ZFPM2: variants seen among roughly 807,000 people sequenced by gnomAD.
The protein encoded by ZFPM2 is zinc finger protein, FOG family member 2.
In ZFPM2, 20 loss-of-function variants were observed where a neutral mutation model predicts 98.6. The ratio of observed to expected loss-of-function variants is 0.20; its 90% confidence interval spans 0.14 to 0.29. ZFPM2 has a LOEUF of 0.29. Among genes scored for constraint, ZFPM2 ranks in the 10% least tolerant of loss-of-function variants. ZFPM2 has a pLI of 1.00. For synonymous variants in ZFPM2, 518 were observed against 502.7 expected, an observed-to-expected ratio of 1.03 and a Z score of -0.41; for missense variants, 1,310 against 1,388.6, an observed-to-expected ratio of 0.94 and a Z score of 0.90.
chr8:105,457,713 C>T (rs1274626433), intron 3 of ZFPM2, among the ~76,000 whole-genome samples: 1 of 152,122 alleles, frequency 6.6e-6, no homozygotes, highest in Non-Finnish European at 1.5e-5. Context: ...TTGTTTTTTG[C>T]AAGTCTAATT....
intron 1 of ZFPM2, among the ~76,000 whole-genome samples, chr8:105,391,898 C>T (rs1811116329): frequency 6.6e-6 from 1 of 152,188 alleles, no homozygotes; most frequent in Non-Finnish European, 1.5e-5. Context: ...GACTTCCTCC[C>T]ATGAATCATG....
intron 5 of ZFPM2, among the ~76,000 whole-genome samples, chr8:105,753,067 G>A (rs758311014): frequency 1.3e-4 from 20 of 152,094 alleles, no homozygotes; most frequent in Non-Finnish European, 2.8e-4. Context: ...ATCAACGTGA[G>A]AGGCCAGGGT....
chr8:105,761,369 A>G (rs1812732063), intron 5 of ZFPM2, among the ~76,000 whole-genome samples: 1 of 152,044 alleles, frequency 6.6e-6, no homozygotes, highest in African/African-American at 2.4e-5. Context: ...AAATGAATTA[A>G]TGATGAAAAT....
intron 5 of ZFPM2, among the ~76,000 whole-genome samples, chr8:105,681,193 T>C (rs1810591720): frequency 6.6e-6 from 1 of 152,170 alleles, no homozygotes; most frequent in Non-Finnish European, 1.5e-5. Context: ...TTTTATATTA[T>C]ATGACTCCTT....
intron 5 of ZFPM2, among the ~76,000 whole-genome samples, chr8:105,760,566 AT>A (rs1586244757): frequency 6.6e-6 from 1 of 152,218 alleles, no homozygotes; most frequent in African/African-American, 2.4e-5. Flanking sequence ...AGGAAATGAT[AT>A]GAGGGAGATT....
At chr8:105,437,183 A>C (rs893978043) in intron 2 of ZFPM2, among the ~76,000 whole-genome samples, 15 of 152,156 alleles carry the variant, frequency 9.9e-5, no homozygotes, top group African/African-American at 3.4e-4. Flanking sequence ...AGTTGCTCAA[A>C]ATAGGTGCAA....
At chr8:105,617,741 A>G (rs1816450003) in intron 4 of ZFPM2, among the ~76,000 whole-genome samples, 1 of 152,164 alleles carries the variant, frequency 6.6e-6, no homozygotes. Flanking sequence ...AATTGAGTGA[A>G]TTTTAACCGA....
chr8:105,620,648 G>A (rs528861340), intron 4 of ZFPM2, among the ~76,000 whole-genome samples: 10 of 152,204 alleles, frequency 6.6e-5, no homozygotes, highest in African/African-American at 1.9e-4. Flanking sequence ...TTTCTTCTAG[G>A]TTTTTTATGG....
chr8:105,743,064 A>T (rs759379566), intron 5 of ZFPM2, among the ~76,000 whole-genome samples: 4 of 152,142 alleles, frequency 2.6e-5, no homozygotes, highest in Non-Finnish European at 5.9e-5. Flanking sequence ...ATATTCAAAC[A>T]GATTTTTAGA....
intron 5 of ZFPM2, among the ~76,000 whole-genome samples, chr8:105,781,039 T>G (rs1813234440): frequency 6.6e-6 from 1 of 152,172 alleles, no homozygotes. Flanking sequence ...ATGCAGATAG[T>G]TTACTCCTAT....
chr8:105,416,853 T>C (rs986593859), intron 1 of ZFPM2, among the ~76,000 whole-genome samples: 4 of 152,170 alleles, frequency 2.6e-5, no homozygotes, highest in African/African-American at 9.7e-5. Context: ...TTTTAAAGAC[T>C]AGATCATAAG....
At chr8:105,614,314 T>G (rs184627803) in intron 4 of ZFPM2, among the ~76,000 whole-genome samples, 1 of 152,176 alleles carries the variant, frequency 6.6e-6, no homozygotes, top group African/African-American at 2.4e-5. Context: ...GACTCATTTA[T>G]GTGGAGTTTC....
chr8:105,529,500 G>C (rs1335396676), intron 3 of ZFPM2, among the ~76,000 whole-genome samples: 1 of 151,474 alleles, frequency 6.6e-6, no homozygotes, highest in Non-Finnish European at 1.5e-5. Context: ...CACGGAATAT[G>C]TTGCTTCTAA....
chr8:105,563,979 T>C (rs995904580), intron 4 of ZFPM2, among the ~76,000 whole-genome samples: 1 of 152,136 alleles, frequency 6.6e-6, no homozygotes, highest in Non-Finnish European at 1.5e-5. Context: ...TCTGTATGTA[T>C]ACAGAATGGT....
chr8:105,394,452 T>C (rs1265798142), intron 1 of ZFPM2, among the ~76,000 whole-genome samples: 1 of 152,218 alleles, frequency 6.6e-6, no homozygotes, highest in African/African-American at 2.4e-5. Context: ...ATCTTAATAG[T>C]ACCTGGAAAT....
intron 4 of ZFPM2, among the ~76,000 whole-genome samples, chr8:105,597,483 G>A (rs1272482998): frequency 6.6e-6 from 1 of 152,058 alleles, no homozygotes; most frequent in Non-Finnish European, 1.5e-5. Context: ...AACATGCCAT[G>A]TACCTTTCAT....
intron 1 of ZFPM2, among the ~76,000 whole-genome samples, chr8:105,319,967 G>C (rs1401491305): frequency 1.3e-5 from 2 of 152,164 alleles, no homozygotes; most frequent in East Asian, 3.9e-4. Context: ...CAACGCTTTG[G>C]CCGAAAAGAA....
intron 3 of ZFPM2, among the ~76,000 whole-genome samples, chr8:105,453,291 T>C (rs1415875386): frequency 6.6e-6 from 1 of 152,178 alleles, no homozygotes; most frequent in Non-Finnish European, 1.5e-5. Flanking sequence ...TTGAAAATTG[T>C]TTTAATAATG....
intron 5 of ZFPM2, among the ~76,000 whole-genome samples, chr8:105,784,260 A>G (rs538976751): frequency 7.3e-4 from 111 of 152,334 alleles, no homozygotes; most frequent in African/African-American, 2.6e-3. Flanking sequence ...GCATTAAAAT[A>G]GGAAACTGGC....
Sources: allele counts gnomAD v4.1 joint callset (sites outside exome capture counted in the v4.1 genomes callset), GRCh38; gene constraint gnomAD v4.1.1; transcripts MANE v1.5; gene names NCBI Gene and HGNC (gene_info 2026-07-23, HGNC 2026-07-21).